Variants in PCDHGA9 observed in about 807,000 individuals in gnomAD.
PCDHGA9 encodes protocadherin gamma subfamily A, 9.
In PCDHGA9, 37 loss-of-function variants were observed where a neutral mutation model predicts 62.5. The ratio of observed to expected loss-of-function variants is 0.59; its 90% CI spans 0.46 to 0.78. The LOEUF (loss-of-function observed/expected upper bound fraction) is 0.78, where lower values mean the gene tolerates loss of function less well. Ranked by LOEUF, PCDHGA9 falls within the 30% of genes least tolerant of loss-of-function variation. The probability of loss-of-function intolerance (pLI) is 0.00; values close to 1 mark genes in which losing one functional copy is unlikely to be tolerated. For missense variants in PCDHGA9, 1,138 were observed against 1,166.2 expected (o/e 0.98, Z 0.35); for synonymous variants, 459 against 484.6 (o/e 0.95, Z 0.69).
intron 1 of PCDHGA9, chr5:141,475,885 A>G (rs1593590954): frequency 1.8e-6 from 1 of 556,524 alleles, no homozygotes. Flanking sequence ...ATTGGCTGGG[A>G]CTCTGTGTGC....
rs1444244130 is a variant in PCDHGA9 at position 141,433,401 on chromosome 5, A to ATCTATCTC, written c.2424+28030_2424+28031insCTCTCTAT. The stretch of plus-strand genomic sequence containing the variant: ...TATCTATCTATCTATCTATCTATCT[A>ATCTATCTC]TCTATTACTTTCTTGTACAGACAGG... On this transcript the variant is annotated intron_variant, in intron 1 of 3. Transcript: ENST00000573521. Among the ~76,000 whole-genome samples, 100 of 150,598 alleles carry ATCTATCTC rather than the reference A, an allele frequency of 6.6e-4. 1 individual carries two copies. Among genetic ancestry groups the ATCTATCTC allele is most frequent in the African/African-American group, 2.4e-3 (100 of 40,958 alleles).
rs1247528606 is a variant in PCDHGA9, at chr5:141,403,299, T to A, written c.347T>A (p.Leu116Gln). ...FKVLVEDRVK[L>Q]YGIEIEVTDI... The stretch of plus-strand genomic sequence containing the variant: ...GTCCTGGTTGAAGACAGAGTGAAAC[T>A]GTACGGAATAGAAATAGAAGTAACT... Residue 116 changes from leucine (L) to glutamine (Q), a missense_variant, in exon 1 of 4, where the codon CTG (leucine) becomes CAG (glutamine). Coordinates refer to ENST00000573521, the MANE Select transcript of PCDHGA9 (RefSeq NM_018921.3). 6.2e-7 allele frequency: 1 copy of A among 1,613,896 alleles called. No homozygotes were observed. The highest frequency in any genetic ancestry group is 1.7e-5 in the Admixed American group (1 of 60,032).
intron 1 of PCDHGA9, chr5:141,428,889 C>G (rs1486441305): frequency 1.3e-5 from 2 of 150,826 alleles, no homozygotes; most frequent in African/African-American, 4.9e-5. Flanking sequence ...GAGTCTCGCT[C>G]TGTGGTCCAG....
intron 2 of PCDHGA9, among the ~76,000 whole-genome samples, chr5:141,504,059 T>C (rs1179226175): frequency 6.6e-6 from 1 of 152,184 alleles, no homozygotes; most frequent in Admixed American, 6.6e-5. Flanking sequence ...ATTGAAAAAC[T>C]TCTCTGAGCC....
chr5:141,493,808 C>T lies in PCDHGA9; in HGVS notation c.2425-999C>T, dbSNP rs2099750260. On this transcript the variant is annotated intron_variant, in intron 1 of 3. Transcript: ENST00000573521. The surrounding 1 kb of genome is among the most constrained non-coding windows in gnomAD (Gnocchi z 4.3). ...CTTCTCCCTGGAGTAATCTGAGATA[C>T]TCACACTCTCTGCTTCTGGGAGCAA... is the stretch of plus-strand genomic sequence containing the variant. 6.6e-6 allele frequency among the ~76,000 whole-genome samples: 1 copy of T among 152,200 alleles called. No individual in the cohort carries two copies. The highest frequency in any genetic ancestry group is 1.5e-5 in the Non-Finnish European group (1 of 68,042).
chr5:141,430,635 T>A, intron 1 of PCDHGA9: 3 of 881,948 alleles, frequency 3.4e-6, no homozygotes, highest in Non-Finnish European at 5.0e-6. Flanking sequence ...GAACCATCCC[T>A]GGGAGTATGT....
At position 141,450,006 on chromosome 5, in the gene PCDHGA9, C is replaced by CTAT. The variant is rs70988802; in HGVS notation, c.2424+44631_2424+44632insATT. ...CACATTGCATTTAGTTGCCATGTCT[C>CTAT]TTTTTTTTTTTTTTTTTTGAGACAG... On this transcript the variant is annotated intron_variant, in intron 1 of 3. Transcript: ENST00000573521. Among the ~76,000 whole-genome samples the CTAT allele has an allele frequency of 2.5e-4, 33 of 132,964 alleles. 6 individuals are homozygous for CTAT. Among genetic ancestry groups the CTAT allele is most frequent in the Non-Finnish European group, 2.9e-4 (18 of 62,916 alleles). The allele number at this position is 132,964 out of a possible 152,430, so 87.2% of individuals were successfully genotyped here. A position where few individuals can be genotyped will look rare whatever the true frequency, so the allele number is the denominator to read the frequency against.
chr5:141,506,277 T>C (rs905595521), intron 3 of PCDHGA9, among the ~76,000 whole-genome samples: 1 of 152,050 alleles, frequency 6.6e-6, no homozygotes. Flanking sequence ...AGTGAAACCC[T>C]GTCTCTACTA....
Position 141,491,529 on chromosome 5 carries a change from G to T in PCDHGA9, c.2425-3278G>T, listed in dbSNP as rs1157770121. ...GCACGCTCAAGTACATGGAGGTGAC[G>T]CTGCGGCCCACAGACTCGCAGAGCC... On this transcript the variant is annotated intron_variant, in intron 1 of 3. Transcript: ENST00000573521. This position sits in a 1 kb window ranked among gnomAD's most constrained non-coding sequence, Gnocchi z 6.9. The T allele has an allele frequency of 6.2e-7, 1 of 1,614,040 alleles. No individual in the cohort carries two copies. The highest frequency in any genetic ancestry group is 1.1e-5 in the South Asian group (1 of 91,080).
intron 1 of PCDHGA9, among the ~76,000 whole-genome samples, chr5:141,459,789 G>A (rs960868607): frequency 6.6e-6 from 1 of 152,206 alleles, no homozygotes; most frequent in Non-Finnish European, 1.5e-5. Context: ...AGTTTCAACT[G>A]TTTTTCCCTG....
At chr5:141,421,619 C>G in intron 1 of PCDHGA9, 1 of 1,613,694 alleles carries the variant, frequency 6.2e-7, no homozygotes, top group Non-Finnish European at 8.5e-7. Flanking sequence ...AATGATAACG[C>G]CCCCAGCTTC....
intron 1 of PCDHGA9, chr5:141,413,330 T>G (rs770842309): frequency 6.2e-7 from 1 of 1,613,812 alleles, no homozygotes; most frequent in Non-Finnish European, 8.5e-7. Context: ...GTGGGCAACA[T>G]CTCCAAGGAC....
chr5:141,498,119 T>C (rs780741291), intron 2 of PCDHGA9, among the ~76,000 whole-genome samples: 42 of 152,192 alleles, frequency 2.8e-4, no homozygotes, highest in Non-Finnish European at 4.8e-4. Flanking sequence ...AATAGGGATT[T>C]GATTTAGGGA....
At position 141,403,033 on chromosome 5, in the gene PCDHGA9, G is replaced by T. The variant is rs764461706; in HGVS notation, c.81G>T (p.Arg27Ser). 6.2e-7 allele frequency: 1 copy of T among 1,614,056 alleles called. No homozygotes were observed. The highest frequency in any genetic ancestry group is 8.5e-7 in the Non-Finnish European group (1 of 1,179,908). The change falls in exon 1 of 4, where the codon AGG becomes AGT. Residue 27 changes from arginine to serine, a missense_variant. Physicochemically the swap from Arg to Ser is moderately radical, Grantham distance 110. Coordinates refer to ENST00000573521, the MANE Select transcript of PCDHGA9 (RefSeq NM_018921.3). ...TCCTGGGGATGCTATGGGAGGCCAGGGCCAGTCAGATTCGCTACTCAGTGC... is the reference window on the plus strand; with the variant it reads ...TCCTGGGGATGCTATGGGAGGCCAGTGCCAGTCAGATTCGCTACTCAGTGC... Reference protein sequence around the residue: ...CSLLGMLWEARASQIRYSVPE... With the variant: ...CSLLGMLWEASASQIRYSVPE...
In PCDHGA9 at chr5:141,476,034, C is replaced by G. The variant is rs934044974; in HGVS notation, c.2425-18773C>G. On this transcript the variant is annotated intron_variant, in intron 1 of 3. Transcript: ENST00000573521. This position sits in a 1 kb window ranked among gnomAD's most constrained non-coding sequence, Gnocchi z 7.6. ...CCATGTCGGACTCGGCGCCCAGCGC[C>G]CAAGCGCTAACCCGCTGAAAGTTTC... The G allele has an allele frequency of 2.0e-6, 3 of 1,464,488 alleles. No homozygotes were observed. Among genetic ancestry groups the G allele is most frequent in the Non-Finnish European group, 2.7e-6 (3 of 1,100,656 alleles). 90.7% of individuals were successfully genotyped at this position (1,464,488 alleles called of 1,614,324 possible). A position where few individuals can be genotyped will look rare whatever the true frequency, so the allele number is the denominator to read the frequency against.
chr5:141,426,733 G>A (rs62378459), intron 1 of PCDHGA9: 13,670 of 449,336 alleles, frequency 0.03, 288 homozygotes, highest in Middle Eastern at 0.11. Context: ...CCAGGCATTC[G>A]GTTTGGCCTG....
intron 1 of PCDHGA9, chr5:141,421,219 G>T (rs894586889): frequency 1.0e-5 from 16 of 1,573,208 alleles, no homozygotes; most frequent in Non-Finnish European, 1.3e-5. Context: ...TATCGGCTTA[G>T]AGCCTGCCAT....
chr5:141,449,708 AT>A (rs2098652573), intron 1 of PCDHGA9, among the ~76,000 whole-genome samples: 1 of 151,520 alleles, frequency 6.6e-6, no homozygotes. Context: ...CAAACACATT[AT>A]TTTTATATGA....
At position 141,487,063 on chromosome 5, in the gene PCDHGA9, G is replaced by A. The variant is rs754361361; in HGVS notation, c.2425-7744G>A. 39 of 1,614,086 alleles carry A rather than the reference G, an allele frequency of 2.4e-5. No individual in the cohort carries two copies. In the South Asian group the frequency reaches 3.7e-4, roughly 15 times the overall value. The stretch of plus-strand genomic sequence containing the variant: ...CTCGATATGCTGGGGAGGTGCGGAC[G>A]GCTGTTCCTATCCCAGCTGACCTCC... On this transcript the variant is annotated intron_variant, in intron 1 of 3. Transcript: ENST00000573521. The surrounding 1 kb of genome is among the most constrained non-coding windows in gnomAD (Gnocchi z 5.0).
Sources: gnomAD v4.1 joint callset for allele counts (sites outside exome capture counted in the v4.1 genomes callset) on GRCh38, gnomAD v4.1.1 for gene constraint, Gnocchi (gnomAD v3.1) non-coding constraint, MANE v1.5 for transcripts, NCBI Gene and HGNC (gene_info 2026-07-23, HGNC 2026-07-21) for gene names.